The following TRAPPC9 variants were observed in gnomAD, a reference collection of about 807,000 sequenced individuals.
The protein encoded by TRAPPC9 is trafficking protein particle complex subunit 9, also known as IKK2 binding protein.
A neutral mutation model predicts 124.0 loss-of-function variants in TRAPPC9; 83 were observed. That is an observed-to-expected ratio of 0.67 (90% CI 0.56 to 0.80). The LOEUF (loss-of-function observed/expected upper bound fraction) is 0.80, where lower values mean the gene tolerates loss of function less well. Among genes scored for constraint, TRAPPC9 ranks in the 30% least tolerant of loss-of-function variants. The pLI is 0.00. For synonymous variants in TRAPPC9, 638 were observed against 617.5 expected, an observed-to-expected ratio of 1.03 and a Z score of -0.49; for missense variants, 1,302 against 1,508.3, an observed-to-expected ratio of 0.86 and a Z score of 2.27.
chr8:139,925,350 T>G (rs1029582143), intron 19 of TRAPPC9, among the ~76,000 whole-genome samples: 1 of 152,072 alleles, frequency 6.6e-6, no homozygotes, highest in Non-Finnish European at 1.5e-5. Context: ...GGTGGGGGAA[T>G]CTTAGAGGCG....
rs1384406536 is a variant in TRAPPC9 at position 140,068,608 on chromosome 8, C to T, written c.2557-44529G>A. Among the ~76,000 whole-genome samples, 4 of 152,142 alleles carry T rather than the reference C, an allele frequency of 2.6e-5. 1 individual carries two copies. The highest frequency in any genetic ancestry group is 4.1e-4 in the South Asian group (2 of 4,824). On this transcript the variant is annotated intron_variant, in intron 17 of 22. Transcript: ENST00000438773. ...AGCCACGCTTGTCATGAAATCAGGC[C>T]GCTAGTTAAACAAGAATGGATGATC...
chr8:140,402,178 G>A (rs1024650036), intron 6 of TRAPPC9, among the ~76,000 whole-genome samples: 4 of 151,980 alleles, frequency 2.6e-5, no homozygotes, highest in African/African-American at 9.7e-5. Flanking sequence ...ACAAGCCTGG[G>A]CAACATGGAC....
intron 7 of TRAPPC9, among the ~76,000 whole-genome samples, chr8:140,387,458 T>A (rs1202847857): frequency 1.3e-5 from 2 of 151,794 alleles, no homozygotes; most frequent in Non-Finnish European, 2.9e-5. Context: ...TAGGAGAAAA[T>A]TTTTGCAATC....
chr8:139,773,299 G>A (rs554017887), intron 21 of TRAPPC9, among the ~76,000 whole-genome samples: 1 of 152,234 alleles, frequency 6.6e-6, no homozygotes, highest in Admixed American at 6.5e-5. Flanking sequence ...AGAGTATTTA[G>A]CACCAGTGGG....
intron 21 of TRAPPC9, among the ~76,000 whole-genome samples, chr8:139,841,814 C>CA (rs933336031): frequency 6.6e-6 from 1 of 152,236 alleles, no homozygotes; most frequent in African/African-American, 2.4e-5. Context: ...GGCCAAGTGA[C>CA]AGAGTTCCAG....
chr8:139,833,288 T>C (rs1826108721), intron 21 of TRAPPC9, among the ~76,000 whole-genome samples: 1 of 152,232 alleles, frequency 6.6e-6, no homozygotes, highest in African/African-American at 2.4e-5. Context: ...CCCAGCCGAC[T>C]TCCCCTTCCT....
chr8:140,271,784 C>T (rs1044480132), intron 15 of TRAPPC9, among the ~76,000 whole-genome samples: 1 of 152,182 alleles, frequency 6.6e-6, no homozygotes, highest in Non-Finnish European at 1.5e-5. Context: ...TGAATCTATG[C>T]CATTAGAAGT....
intron 2 of TRAPPC9, among the ~76,000 whole-genome samples, chr8:140,448,014 G>A (rs1389654891): frequency 6.6e-6 from 1 of 151,828 alleles, no homozygotes; most frequent in East Asian, 1.9e-4. Flanking sequence ...GTGTGGTGGC[G>A]CACGCCTGTA....
chr8:140,193,697 A>G (rs999823468), intron 17 of TRAPPC9, among the ~76,000 whole-genome samples: 1 of 151,822 alleles, frequency 6.6e-6, no homozygotes, highest in Non-Finnish European at 1.5e-5. Context: ...GAAAGGCTGA[A>G]ACCAGTCCAC....
At chr8:140,379,727 C>T (rs1171915821) in intron 7 of TRAPPC9, among the ~76,000 whole-genome samples, 1 of 152,016 alleles carries the variant, frequency 6.6e-6, no homozygotes, top group East Asian at 1.9e-4. Context: ...AGGGATGAAG[C>T]CAAAAAATGA....
chr8:140,386,951 A>T (rs1588261294), intron 7 of TRAPPC9, among the ~76,000 whole-genome samples: 2 of 152,202 alleles, frequency 1.3e-5, no homozygotes, highest in East Asian at 3.8e-4. Flanking sequence ...ACAGCATGGT[A>T]CTGGTACCAA....
chr8:140,286,304 G>A (rs916690330), intron 13 of TRAPPC9, among the ~76,000 whole-genome samples: 1 of 152,228 alleles, frequency 6.6e-6, no homozygotes, highest in Non-Finnish European at 1.5e-5. Flanking sequence ...CTGGGCTCCA[G>A]AGCAACACTT....
intron 17 of TRAPPC9, among the ~76,000 whole-genome samples, chr8:140,160,791 T>C (rs1442158042): frequency 6.6e-6 from 1 of 150,894 alleles, no homozygotes; most frequent in Non-Finnish European, 1.5e-5. Flanking sequence ...ACTTAAAGTA[T>C]AATAAAAATA....
chr8:140,388,060 C>A (rs2068806474), intron 7 of TRAPPC9, among the ~76,000 whole-genome samples: 1 of 151,790 alleles, frequency 6.6e-6, no homozygotes, highest in Admixed American at 6.6e-5. Context: ...AGGATGAGTT[C>A]ATGTCCTTTG....
intron 21 of TRAPPC9, among the ~76,000 whole-genome samples, chr8:139,795,547 G>A (rs562453109): frequency 4.7e-5 from 7 of 147,916 alleles, no homozygotes; most frequent in Non-Finnish European, 1.0e-4. Flanking sequence ...TGTAATCAAA[G>A]CTGGGCAGGG....
At chr8:139,925,846 C>CACACAT (rs1554673865) in intron 19 of TRAPPC9, among the ~76,000 whole-genome samples, 8 of 150,182 alleles carry the variant, frequency 5.3e-5, no homozygotes, top group African/African-American at 2.0e-4. Context: ...CACACACACA[C>CACACAT]GTTTCAGATT....
At chr8:139,911,528 A>C (rs1831728992) in intron 19 of TRAPPC9, among the ~76,000 whole-genome samples, 1 of 152,070 alleles carries the variant, frequency 6.6e-6, no homozygotes, top group South Asian at 2.1e-4. Flanking sequence ...AACATGGTGA[A>C]ACCCTATCTC....
intron 15 of TRAPPC9, among the ~76,000 whole-genome samples, chr8:140,273,594 G>T (rs1368823687): frequency 6.6e-6 from 1 of 152,102 alleles, no homozygotes; most frequent in African/African-American, 2.4e-5. Flanking sequence ...CCCCTTTCTT[G>T]GCCAAAGGCC....
intron 17 of TRAPPC9, among the ~76,000 whole-genome samples, chr8:140,126,800 C>A (rs1417878220): frequency 6.6e-6 from 1 of 152,204 alleles, no homozygotes; most frequent in Non-Finnish European, 1.5e-5. Context: ...CAGGGTGGGC[C>A]TAGCGTGGCA....
Sources: allele counts gnomAD v4.1 joint callset (sites outside exome capture counted in the v4.1 genomes callset), GRCh38; gene constraint gnomAD v4.1.1; transcripts MANE v1.5; gene names NCBI Gene and HGNC (gene_info 2026-07-23, HGNC 2026-07-21).